PPP6R2: variants seen among roughly 807,000 people sequenced by gnomAD.
PPP6R2 encodes serine/threonine-protein phosphatase 6 regulatory subunit 2.
PPP6R2 carries 62 observed loss-of-function variants against 100.2 expected under a neutral mutation model. The observed-to-expected ratio is 0.62, with a 90% CI of 0.50 to 0.76. The LOEUF (loss-of-function observed/expected upper bound fraction) is 0.76. PPP6R2 is among the 30% of genes least tolerant of loss of function. PPP6R2 has a pLI of 0.00. For synonymous variants in PPP6R2, 525 were observed against 514.7 expected, an observed-to-expected ratio of 1.02 and a Z score of -0.27; for missense variants, 1,142 against 1,276.3, an observed-to-expected ratio of 0.89 and a Z score of 1.60.
chr22:50,337,412 TGGTGTGTGTGG>T, the PPP6R2 span, among the ~76,000 whole-genome samples: 2 of 123,342 alleles, frequency 1.6e-5, no homozygotes, highest in African/African-American at 6.3e-5. Context: ...GTGCGATGTG[TGGTGTGTGTGG>T]GGTGTGTGTG....
intron 4 of PPP6R2, among the ~76,000 whole-genome samples, chr22:50,409,460 G>C (rs988003173): frequency 2.0e-5 from 3 of 151,952 alleles, no homozygotes; most frequent in African/African-American, 7.3e-5. Context: ...GCAGAGTCTT[G>C]CTCTGTCGCC....
intron 1 of PPP6R2, among the ~76,000 whole-genome samples, chr22:50,355,218 C>G (rs1042641635): frequency 3.3e-5 from 5 of 149,326 alleles, no homozygotes; most frequent in African/African-American, 1.3e-4. Context: ...CCACATACAG[C>G]AAGCAGCCTT....
upstream of PPP6R2, among the ~76,000 whole-genome samples, chr22:50,339,926 GGGTGTGT>G (rs2042353164): frequency 9.2e-6 from 1 of 108,816 alleles, no homozygotes; most frequent in Middle Eastern, 7.1e-3. Context: ...TGTGTGTGTG[GGGTGTGT>G]GGTGTGTGTG....
At chr22:50,421,445 C>T (rs900891351) in intron 8 of PPP6R2, among the ~76,000 whole-genome samples, 1 of 152,190 alleles carries the variant, frequency 6.6e-6, no homozygotes, top group Admixed American at 6.5e-5. Flanking sequence ...TGAGCTCAAG[C>T]GATCCTCCCA....
At chr22:50,337,851 T>G in the PPP6R2 span, among the ~76,000 whole-genome samples, 1 of 141,940 alleles carries the variant, frequency 7.0e-6, no homozygotes, top group Non-Finnish European at 1.5e-5. Context: ...GTGTGTGGTG[T>G]GTTGGTGTGT....
At chr22:50,434,940 G>T (rs575136480) in intron 12 of PPP6R2, 26 bp from the exon 13 acceptor site, 6 of 1,586,292 alleles carry the variant, frequency 3.8e-6, no homozygotes, top group Admixed American at 3.4e-5. Context: ...CCAGGAGGCC[G>T]CCCCGATGGT....
chr22:50,396,831 C>A (rs1413457738), intron 3 of PPP6R2, among the ~76,000 whole-genome samples: 1 of 152,122 alleles, frequency 6.6e-6, no homozygotes, highest in African/African-American at 2.4e-5. Flanking sequence ...GAGTTCTAGC[C>A]TGAGCAGGGC....
chr22:50,363,361 C>T (rs2048155745), intron 1 of PPP6R2, among the ~76,000 whole-genome samples: 1 of 152,254 alleles, frequency 6.6e-6, no homozygotes, highest in African/African-American at 2.4e-5. Flanking sequence ...CTGGGCACTT[C>T]TCCATTGCCA....
intron 1 of PPP6R2, among the ~76,000 whole-genome samples, chr22:50,370,030 T>C (rs1195716967): frequency 2.1e-5 from 3 of 144,878 alleles, no homozygotes. Context: ...ATTACAGATG[T>C]GAGCCACCAC....
At chr22:50,347,016 C>T (rs1171942888) in intron 1 of PPP6R2, among the ~76,000 whole-genome samples, 1 of 151,694 alleles carries the variant, frequency 6.6e-6, no homozygotes, top group East Asian at 1.9e-4. Context: ...CTGTCAGTGC[C>T]CCCCATCAGT....
intron 1 of PPP6R2, among the ~76,000 whole-genome samples, chr22:50,355,088 C>G (rs1294714369): frequency 1.3e-5 from 2 of 151,934 alleles, no homozygotes; most frequent in Non-Finnish European, 2.9e-5. Context: ...AGCGATCCTC[C>G]CACCTCAGCC....
At chr22:50,408,075 T>G (rs1489387122) in intron 4 of PPP6R2, among the ~76,000 whole-genome samples, 1 of 152,080 alleles carries the variant, frequency 6.6e-6, no homozygotes, top group African/African-American at 2.4e-5. Context: ...TTTGTAGAGA[T>G]GGGGTTTCCC....
intron 1 of PPP6R2, among the ~76,000 whole-genome samples, chr22:50,368,821 C>A (rs967798602): frequency 2.7e-5 from 4 of 149,014 alleles, no homozygotes; most frequent in African/African-American, 1.0e-4. Context: ...CCACACCTGG[C>A]TAATGCTGGT....
intron 2 of PPP6R2, among the ~76,000 whole-genome samples, chr22:50,383,817 A>G (rs1413920245): frequency 2.0e-5 from 3 of 152,210 alleles, no homozygotes; most frequent in South Asian, 2.1e-4. Context: ...TGGGCGGATC[A>G]CCTGAGGTCA....
intron 4 of PPP6R2, among the ~76,000 whole-genome samples, chr22:50,414,149 C>G (rs2060154718): frequency 6.6e-6 from 1 of 152,166 alleles, no homozygotes; most frequent in Admixed American, 6.5e-5. Context: ...GATGTGTGTT[C>G]TAGGCCTGGG....
intron 1 of PPP6R2, among the ~76,000 whole-genome samples, chr22:50,369,128 C>T (rs1405035009): frequency 6.6e-6 from 1 of 151,742 alleles, no homozygotes; most frequent in Non-Finnish European, 1.5e-5. Flanking sequence ...ATCCCAGCTA[C>T]TTGGGAGGCT....
intron 4 of PPP6R2, among the ~76,000 whole-genome samples, chr22:50,410,404 C>A (rs1179283146): frequency 6.6e-6 from 1 of 150,616 alleles, no homozygotes; most frequent in Non-Finnish European, 1.5e-5. Context: ...GTATGGCAGT[C>A]TTAAGCATCT....
In PPP6R2 at chr22:50,421,853, G is replaced by A. The variant is rs1201570215; in HGVS notation, c.846-401G>A. 2.6e-5 allele frequency among the ~76,000 whole-genome samples: 4 copies of A among 152,148 alleles called. No homozygotes were observed. In the East Asian group the frequency reaches 5.8e-4, roughly 22 times the overall value. On this transcript the variant is annotated intron_variant, in intron 8 of 23. Coordinates refer to ENST00000612753, the MANE Select transcript of PPP6R2 (RefSeq NM_001242898.2). ...ATCGCACTCCAGCCTGGGTGACAGA[G>A]CGAGACTCTGGCTCAAAAAAAATAA...
At chr22:50,430,873 C>CAA (rs375308909) in intron 10 of PPP6R2, among the ~76,000 whole-genome samples, 21,409 of 85,332 alleles carry the variant, frequency 0.25, 2,261 homozygotes, top group Non-Finnish European at 0.29. Flanking sequence ...GACTCCGTCT[C>CAA]AAAAAAAAAA....
Sources: allele counts gnomAD v4.1 joint callset (sites outside exome capture counted in the v4.1 genomes callset), GRCh38; gene constraint gnomAD v4.1.1; transcripts MANE v1.5; gene names NCBI Gene and HGNC (gene_info 2026-07-23, HGNC 2026-07-21).